CSMD1: variants seen among roughly 807,000 people sequenced by gnomAD.
CSMD1 encodes CUB and sushi domain-containing protein 1.
CSMD1 carries 213 observed loss-of-function variants against 417.5 expected under a neutral mutation model. The ratio of observed to expected loss-of-function variants is 0.51; its 90% CI spans 0.46 to 0.57. CSMD1 has a LOEUF of 0.57. Among genes scored for constraint, CSMD1 ranks in the 20% least tolerant of loss-of-function variants. CSMD1 has a pLI of 0.00. For missense variants in CSMD1, 6,923 were observed against 4,529.7 expected (o/e 1.53, Z -15.17); for synonymous variants, 2,862 against 1,736.8 (o/e 1.65, Z -16.11).
intron 4 of CSMD1, among the ~76,000 whole-genome samples, chr8:3,998,582 G>A (rs904130158): frequency 6.6e-6 from 1 of 152,170 alleles, no homozygotes; most frequent in South Asian, 2.1e-4. Context: ...ATTAATTTGG[G>A]TTTTGAATTT....
chr8:4,766,324 T>A (rs1191536313), intron 1 of CSMD1, among the ~76,000 whole-genome samples: 1 of 152,150 alleles, frequency 6.6e-6, no homozygotes, highest in African/African-American at 2.4e-5. Flanking sequence ...TATGTATGCA[T>A]GATGTGGGGG....
intron 10 of CSMD1, among the ~76,000 whole-genome samples, chr8:3,496,559 A>G (rs1019107571): frequency 6.6e-6 from 1 of 152,038 alleles, no homozygotes; most frequent in African/African-American, 2.4e-5. Context: ...GGTATGTTGT[A>G]TTTCTATTTT....
chr8:3,960,912 C>T (rs1010025123), intron 5 of CSMD1, among the ~76,000 whole-genome samples: 4 of 151,934 alleles, frequency 2.6e-5, no homozygotes, highest in Admixed American at 1.3e-4. Flanking sequence ...GTCCTCTAGA[C>T]TTAGATTATT....
chr8:4,005,205 T>A (rs992947417), intron 4 of CSMD1, among the ~76,000 whole-genome samples: 2 of 152,102 alleles, frequency 1.3e-5, no homozygotes, highest in African/African-American at 4.8e-5. Context: ...GCACAGGTGG[T>A]GGGTGCACCA....
At chr8:4,556,578 G>T (rs998516440) in intron 2 of CSMD1, among the ~76,000 whole-genome samples, 4 of 152,082 alleles carry the variant, frequency 2.6e-5, no homozygotes, top group Non-Finnish European at 5.9e-5. Flanking sequence ...TGTCTAAATA[G>T]CAAAGAATAA....
At chr8:4,064,201 A>G (rs1799125358) in intron 3 of CSMD1, among the ~76,000 whole-genome samples, 1 of 152,216 alleles carries the variant, frequency 6.6e-6, no homozygotes. Flanking sequence ...AGCTTTCACC[A>G]TGGCTCAGAT....
intron 10 of CSMD1, among the ~76,000 whole-genome samples, chr8:3,547,016 A>G (rs978300024): frequency 6.6e-6 from 1 of 152,208 alleles, no homozygotes; most frequent in Non-Finnish European, 1.5e-5. Context: ...CTGTCCACAG[A>G]TGTGGGGCTG....
chr8:4,100,874 A>G (rs2130877743), intron 3 of CSMD1, among the ~76,000 whole-genome samples: 2 of 152,308 alleles, frequency 1.3e-5, no homozygotes, highest in Middle Eastern at 6.8e-3. Flanking sequence ...ATATGTTAGA[A>G]AGCCTCCATT....
intron 29 of CSMD1, among the ~76,000 whole-genome samples, chr8:3,215,252 G>A (rs905905928): frequency 4.6e-5 from 7 of 152,154 alleles, no homozygotes; most frequent in African/African-American, 9.7e-5. Flanking sequence ...TTTTACTACC[G>A]TATTTCTGTT....
chr8:3,107,871 T>G (rs889669030), intron 44 of CSMD1, 73 bp from the exon 45 acceptor site: 17 of 956,152 alleles, frequency 1.8e-5, no homozygotes, highest in Non-Finnish European at 2.6e-5. Context: ...TTACAAAACA[T>G]TCATCTTGCA....
intron 2 of CSMD1, among the ~76,000 whole-genome samples, chr8:4,491,653 G>C (rs1052561395): frequency 2.0e-5 from 3 of 152,140 alleles, no homozygotes; most frequent in Non-Finnish European, 4.4e-5. Context: ...TCAACCTCAT[G>C]TCCTTAGAAC....
intron 18 of CSMD1, among the ~76,000 whole-genome samples, chr8:3,376,127 A>G (rs573527627): frequency 6.6e-6 from 1 of 152,318 alleles, no homozygotes; most frequent in Non-Finnish European, 1.5e-5. Context: ...TTGCAAATAC[A>G]GCAGGTTCTC....
intron 1 of CSMD1, among the ~76,000 whole-genome samples, chr8:4,914,108 G>C (rs1017783405): frequency 5.9e-5 from 9 of 152,202 alleles, no homozygotes; most frequent in Admixed American, 4.6e-4. Context: ...ATGGATGATT[G>C]ATTTGTGTTG....
intron 7 of CSMD1, among the ~76,000 whole-genome samples, chr8:3,667,525 G>A (rs914522492): frequency 3.9e-5 from 6 of 152,100 alleles, no homozygotes; most frequent in African/African-American, 1.4e-4. Flanking sequence ...GGGAGCTGTT[G>A]GGATGAGGTC....
At chr8:4,837,170 G>C (rs1008550597) in intron 1 of CSMD1, among the ~76,000 whole-genome samples, 3 of 152,084 alleles carry the variant, frequency 2.0e-5, no homozygotes, top group African/African-American at 4.8e-5. Context: ...TAACACATGC[G>C]GGTGAGGATG....
chr8:3,151,432 T>A lies in CSMD1; in HGVS notation c.5996A>T (p.Asp1999Val), dbSNP rs771107618. ...GFPGSYPNNL[D>V]CTWRISLPIG... is the part of the protein sequence containing the mutation. ...GGGTAATGAGATCCTCCAGGTGCAG[T>A]CTAAGTTGTTGGGGTAAGAACCTGG... The change falls in exon 40 of 70, where the codon GAC (aspartate) becomes GTC (valine). Residue 1999 changes from aspartate (D) to valine (V), a missense_variant. Asp to Val is a radical substitution (Grantham distance 152). Transcript: ENST00000635120. 11 of 1,613,446 alleles carry A rather than the reference T, an allele frequency of 6.8e-6. No individual in the cohort carries two copies. In the South Asian group the frequency reaches 1.1e-4, roughly 16 times the overall value.
At chr8:3,320,769 C>T (rs1273940943) in intron 23 of CSMD1, among the ~76,000 whole-genome samples, 5 of 152,188 alleles carry the variant, frequency 3.3e-5, no homozygotes, top group African/African-American at 1.2e-4. Flanking sequence ...AGCCCATCCT[C>T]TCTGGGCTTA....
chr8:4,297,227 A>G (rs889249790), intron 3 of CSMD1, among the ~76,000 whole-genome samples: 12 of 152,282 alleles, frequency 7.9e-5, no homozygotes, highest in African/African-American at 2.2e-4. Flanking sequence ...TGGGGACCAA[A>G]CATTTAGAAA....
intron 1 of CSMD1, among the ~76,000 whole-genome samples, chr8:4,985,564 T>C (rs888678333): frequency 2.6e-5 from 4 of 152,178 alleles, no homozygotes; most frequent in African/African-American, 4.8e-5. Flanking sequence ...AAGGATCATA[T>C]CAGACTAAAA....
Sources: gnomAD v4.1 joint callset for allele counts (sites outside exome capture counted in the v4.1 genomes callset) on GRCh38, gnomAD v4.1.1 for gene constraint, MANE v1.5 for transcripts, NCBI Gene and HGNC (gene_info 2026-07-23, HGNC 2026-07-21) for gene names.